Variants in STXBP5L observed in about 807,000 individuals in gnomAD.
STXBP5L encodes syntaxin binding protein 5L.
Under a neutral mutation model 144.5 loss-of-function variants are expected in STXBP5L, and 65 were observed. That is an observed-to-expected ratio of 0.45 (90% CI 0.37 to 0.55). The LOEUF is 0.55. Among genes scored for constraint, STXBP5L ranks in the 20% least tolerant of loss-of-function variants. The pLI, the probability that STXBP5L is intolerant of heterozygous loss-of-function variation, is 0.00. For synonymous variants in STXBP5L, 505 were observed against 469.6 expected, an observed-to-expected ratio of 1.08 and a Z score of -0.97; for missense variants, 1,298 against 1,405.5, an observed-to-expected ratio of 0.92 and a Z score of 1.22.
At chr3:120,923,416 G>T (rs1324369175) in intron 2 of STXBP5L, among the ~76,000 whole-genome samples, 1 of 151,634 alleles carries the variant, frequency 6.6e-6, no homozygotes, top group African/African-American at 2.4e-5. Flanking sequence ...GTTCCTTGAG[G>T]TGTATCTTAG....
At chr3:120,923,460 C>T (rs1324631418) in intron 2 of STXBP5L, among the ~76,000 whole-genome samples, 3 of 151,728 alleles carry the variant, frequency 2.0e-5, no homozygotes, top group Non-Finnish European at 4.4e-5. Context: ...CTTTTTTGAT[C>T]TAGGTGTTTA....
chr3:121,093,610 G>A (rs555092756), intron 5 of STXBP5L, among the ~76,000 whole-genome samples: 2 of 152,312 alleles, frequency 1.3e-5, no homozygotes, highest in African/African-American at 2.4e-5. Flanking sequence ...TGTGGGATCA[G>A]TGGTGATATC....
chr3:121,320,539 C>T (rs750421101), intron 20 of STXBP5L, among the ~76,000 whole-genome samples: 1 of 151,626 alleles, frequency 6.6e-6, no homozygotes, highest in Admixed American at 6.6e-5. Context: ...TTTTCTTGTT[C>T]CCAGTCTCAT....
chr3:121,160,233 G>C (rs149624307), intron 9 of STXBP5L, among the ~76,000 whole-genome samples: 5 of 152,082 alleles, frequency 3.3e-5, no homozygotes. Flanking sequence ...TTATAGAAGT[G>C]CACGCTTCTC....
intron 3 of STXBP5L, among the ~76,000 whole-genome samples, chr3:120,965,698 T>A (rs531987959): frequency 6.6e-5 from 10 of 152,350 alleles, no homozygotes; most frequent in Admixed American, 5.2e-4. Flanking sequence ...TCTCTCTGGC[T>A]GCCCTTAACA....
intron 20 of STXBP5L, among the ~76,000 whole-genome samples, chr3:121,337,875 G>A (rs1576210302): frequency 6.6e-6 from 1 of 151,980 alleles, no homozygotes; most frequent in Non-Finnish European, 1.5e-5. Flanking sequence ...GACCACAGTG[G>A]AATAAAACCA....
chr3:121,183,958 C>A (rs151249090), intron 9 of STXBP5L, among the ~76,000 whole-genome samples: 71 of 152,148 alleles, frequency 4.7e-4, no homozygotes, highest in Admixed American at 7.9e-4. Context: ...TCCAGCAGAC[C>A]TGGAGAAGAG....
At chr3:121,355,732 G>A (rs2045484552) in intron 20 of STXBP5L, among the ~76,000 whole-genome samples, 1 of 152,134 alleles carries the variant, frequency 6.6e-6, no homozygotes, top group Non-Finnish European at 1.5e-5. Context: ...TTCTGTTACT[G>A]GCGAGGAGCT....
rs773497028 is a variant in STXBP5L, at chr3:121,259,124, T to A, written c.1914T>A (p.Pro638=). Residue 638 remains proline, a synonymous_variant, in exon 18 of 27, where the codon CCT becomes CCA. Transcript: ENST00000471454. ...VIQLVWVDGE[P]PQQITSLAVS... The stretch of plus-strand genomic sequence containing the variant: ...AATTGGTGTGGGTAGATGGTGAACC[T>A]CCACAACAGATTACTAGTCTTGCTG... 11 of 1,600,920 alleles carry A rather than the reference T, an allele frequency of 6.9e-6. No homozygotes were observed. Among genetic ancestry groups the A allele is most frequent in the Middle Eastern group, 3.3e-4 (2 of 6,028 alleles).
At chr3:121,201,936 A>G (rs2048154815) in intron 9 of STXBP5L, among the ~76,000 whole-genome samples, 1 of 152,098 alleles carries the variant, frequency 6.6e-6, no homozygotes, top group Non-Finnish European at 1.5e-5. Context: ...TTGTATTTTT[A>G]GTAAGGACAG....
chr3:120,936,770 C>T (rs778699751), intron 2 of STXBP5L, among the ~76,000 whole-genome samples: 71 of 152,112 alleles, frequency 4.7e-4, no homozygotes, highest in African/African-American at 1.5e-3. Context: ...CCACCACACC[C>T]GGCTAATTTT....
intron 9 of STXBP5L, among the ~76,000 whole-genome samples, chr3:121,198,495 C>T (rs1330546554): frequency 6.6e-6 from 1 of 152,106 alleles, no homozygotes; most frequent in African/African-American, 2.4e-5. Context: ...TGATTAGATC[C>T]CATATGTCAA....
intron 5 of STXBP5L, among the ~76,000 whole-genome samples, chr3:121,094,602 T>C (rs1055766876): frequency 8.5e-5 from 13 of 152,050 alleles, no homozygotes; most frequent in African/African-American, 3.1e-4. Flanking sequence ...AACCCCTGCC[T>C]TTTTTTGTTT....
At chr3:121,344,298 A>G (rs897231000) in intron 20 of STXBP5L, among the ~76,000 whole-genome samples, 3 of 152,166 alleles carry the variant, frequency 2.0e-5, no homozygotes, top group Non-Finnish European at 2.9e-5. Flanking sequence ...TGAAAACCCT[A>G]AAAGAAAACC....
intron 3 of STXBP5L, among the ~76,000 whole-genome samples, chr3:120,981,398 A>AT (rs569427374): frequency 2.8e-4 from 42 of 151,654 alleles, no homozygotes; most frequent in African/African-American, 3.9e-4. Context: ...TTATTCTTTA[A>AT]TTTTTTTTGT....
chr3:121,019,507 C>G (rs1945391701), intron 3 of STXBP5L, among the ~76,000 whole-genome samples: 1 of 152,202 alleles, frequency 6.6e-6, no homozygotes, highest in South Asian at 2.1e-4. Context: ...AGGACCTTCA[C>G]AGAGTCCACT....
At chr3:120,976,697 C>T (rs999810436) in intron 3 of STXBP5L, among the ~76,000 whole-genome samples, 2 of 152,168 alleles carry the variant, frequency 1.3e-5, no homozygotes, top group Non-Finnish European at 2.9e-5. Context: ...TATAAATTTT[C>T]CTCTACACAC....
intron 5 of STXBP5L, among the ~76,000 whole-genome samples, chr3:121,082,969 C>T (rs750828982): frequency 2.6e-5 from 4 of 151,978 alleles, no homozygotes; most frequent in Non-Finnish European, 5.9e-5. Flanking sequence ...GAGGCTGAGG[C>T]AGGCAGATTA....
chr3:121,006,837 G>C (rs548889739), intron 3 of STXBP5L, among the ~76,000 whole-genome samples: 4 of 152,074 alleles, frequency 2.6e-5, no homozygotes, highest in Non-Finnish European at 4.4e-5. Flanking sequence ...ATGAAATTCT[G>C]GGTTGAAAAT....
Sources: allele counts gnomAD v4.1 joint callset (sites outside exome capture counted in the v4.1 genomes callset), GRCh38; gene constraint gnomAD v4.1.1; transcripts MANE v1.5; gene names NCBI Gene and HGNC (gene_info 2026-07-23, HGNC 2026-07-21).